The following ZNF558 variants were observed in gnomAD, a reference collection of about 807,000 sequenced individuals.
ZNF558 encodes zinc finger protein 558.
ZNF558 carries 23 observed loss-of-function variants against 37.6 expected under a neutral mutation model. That is an observed-to-expected ratio of 0.61 (90% CI 0.44 to 0.87). The LOEUF is 0.87. Among genes scored for constraint, ZNF558 ranks in the 40% least tolerant of loss-of-function variants. The pLI is 0.00. For synonymous variants in ZNF558, 189 were observed against 174.4 expected (o/e 1.08, Z -0.66); for missense variants, 429 against 483.7 (o/e 0.89, Z 1.06).
At position 8,811,051 on chromosome 19, in the gene ZNF558, A is replaced by G. The variant is rs1004967032; in HGVS notation, c.*230T>C. ...AGCTTTGGCTGACATCTTGATTGTAAGTAAAGGCATGAGAGATCCTGCAGT... is the reference window on the plus strand; with the variant it reads ...AGCTTTGGCTGACATCTTGATTGTAGGTAAAGGCATGAGAGATCCTGCAGT... On this transcript the variant is annotated 3_prime_UTR_variant, in exon 10 of 10. Transcript: ENST00000601372. The G allele has an allele frequency of 9.7e-5, 44 of 452,314 alleles. No homozygotes were observed. Among genetic ancestry groups the G allele is most frequent in the Non-Finnish European group, 1.5e-4 (38 of 256,466 alleles). The allele number at this position is 452,314 out of a possible 1,614,324, so 28.0% of individuals were successfully genotyped here.
At chr19:8,815,712 G>C (rs1196568408) in intron 7 of ZNF558, among the ~76,000 whole-genome samples, 1 of 152,012 alleles carries the variant, frequency 6.6e-6, no homozygotes, top group Non-Finnish European at 1.5e-5. Flanking sequence ...CTTGAGCCCA[G>C]GAGGTCAAGG....
At chr19:8,815,036 A>G (rs782155523) in intron 7 of ZNF558, among the ~76,000 whole-genome samples, 1 of 109,928 alleles carries the variant, frequency 9.1e-6, no homozygotes, top group Non-Finnish European at 1.8e-5. Context: ...CCAAATTGCT[A>G]TATTATAATA....
At position 8,824,261 on chromosome 19, in the gene ZNF558, T is replaced by C. The variant is rs1416710553; in HGVS notation, c.-245A>G. The C allele has an allele frequency of 2.6e-5, 4 of 152,208 alleles. No individual in the cohort carries two copies. Among genetic ancestry groups the C allele is most frequent in the African/African-American group, 9.7e-5 (4 of 41,406 alleles). The allele number at this position is 152,208 out of a possible 1,614,324, so 9.4% of individuals were successfully genotyped here. ...AAGTGGCCCTGTGGAGAGGCCTATG[T>C]GGAGAGGAACTGAGGCCTCCCACCG... is the stretch of plus-strand genomic sequence containing the variant. On this transcript the variant is annotated 5_prime_UTR_variant, in exon 4 of 10. Coordinates refer to ENST00000601372, the MANE Select transcript of ZNF558 (RefSeq NM_144693.3).
rs2043743098 is a variant in ZNF558, at chr19:8,809,910, T to C, written c.*1371A>G. The C allele has an allele frequency of 6.6e-6, 1 of 152,238 alleles. No individual in the cohort carries two copies. Among genetic ancestry groups the C allele is most frequent in the African/African-American group, 2.4e-5 (1 of 41,468 alleles). The allele number at this position is 152,238 out of a possible 1,614,324, so 9.4% of individuals were successfully genotyped here. A position where few individuals can be genotyped will look rare whatever the true frequency, so the allele number is the denominator to read the frequency against. ...TGGCCACTCAGTGAAGAGTTCAGGC[T>C]GAGGCATCCTAACACTGATTACATT... On this transcript the variant is annotated 3_prime_UTR_variant, in exon 10 of 10. Coordinates refer to ENST00000601372, the MANE Select transcript of ZNF558 (RefSeq NM_144693.3).
At chr19:8,812,122 C>A in intron 9 of ZNF558, 59 bp from the exon 10 acceptor site, 1 of 1,356,382 alleles carries the variant, frequency 7.4e-7, no homozygotes, top group South Asian at 1.7e-5. Context: ...ACTTAATGTT[C>A]TCCTAGGAAT....
chr19:8,836,945 AAAC>A (rs1453638509), upstream of ZNF558, among the ~76,000 whole-genome samples: 1 of 152,246 alleles, frequency 6.6e-6, no homozygotes, highest in African/African-American at 2.4e-5. Flanking sequence ...AAGCCAGTAA[AAAC>A]ATCATCAAAG....
intron 2 of ZNF558, among the ~76,000 whole-genome samples, chr19:8,828,620 G>A (rs1030069385): frequency 1.5e-4 from 23 of 152,168 alleles, no homozygotes; most frequent in African/African-American, 5.6e-4. Context: ...ATTGCTTTAT[G>A]ATTTTGCCTG....
chr19:8,810,082 C>T lies in ZNF558; in HGVS notation c.*1199G>A, dbSNP rs575614470. On this transcript the variant is annotated 3_prime_UTR_variant, in exon 10 of 10. Transcript: ENST00000601372. ...ACACAGAGGCATCACTGAAGGCTTTCTCTTCTTCTTTATATTTCAAGTTTC... is the reference window on the plus strand; with the variant it reads ...ACACAGAGGCATCACTGAAGGCTTTTTCTTCTTCTTTATATTTCAAGTTTC... The T allele has an allele frequency of 6.6e-6, 1 of 152,296 alleles. No homozygotes were observed. Among genetic ancestry groups the T allele is most frequent in the African/African-American group, 2.4e-5 (1 of 41,566 alleles). 9.4% of individuals were successfully genotyped at this position (152,296 alleles called of 1,614,324 possible).
chr19:8,818,024 C>A (rs2043983934), intron 7 of ZNF558, among the ~76,000 whole-genome samples: 1 of 152,138 alleles, frequency 6.6e-6, no homozygotes, highest in Non-Finnish European at 1.5e-5. Context: ...ACAAGAGAAT[C>A]CATATTCATC....
rs957605131 is a variant in ZNF558 at position 8,822,006 on chromosome 19, T to A, written c.117A>T (p.Leu39=). The A allele has an allele frequency of 1.2e-6, 2 of 1,614,032 alleles. No individual in the cohort carries two copies. The highest frequency in any genetic ancestry group is 1.7e-4 in the Middle Eastern group (1 of 6,058). ...ELVNELLTSW[L]RGLVTFEDVA... Reference sequence around the variant, plus strand: ...GGAAAAGGAACATCTGACTCACCCGTAGCCAGCTTGTCAGGAGCTCATTAA... The same window carrying A: ...GGAAAAGGAACATCTGACTCACCCGAAGCCAGCTTGTCAGGAGCTCATTAA... Residue 39 remains leucine, a synonymous_variant, in exon 6 of 10, where the codon CTA becomes CTT. Coordinates refer to ENST00000601372, the MANE Select transcript of ZNF558 (RefSeq NM_144693.3). This position sits in a 1 kb window ranked among gnomAD's most constrained non-coding sequence, Gnocchi z 4.4.
chr19:8,821,834 G>A, intron 6 of ZNF558, 169 bp downstream of exon 6: 5 of 1,456,988 alleles, frequency 3.4e-6, no homozygotes, highest in Non-Finnish European at 4.5e-6. Context: ...AGTAAATGTT[G>A]ACACACACTG....
rs536281633 is a variant in ZNF558 at position 8,815,117 on chromosome 19, G to T, written c.248-1895C>A. ...GAAACAAACGTTGGGCCCATTACAA[G>T]AAAAATGAAGCTGGTAGAAATTGTC... On this transcript the variant is annotated intron_variant, in intron 7 of 9. Coordinates refer to ENST00000601372, the MANE Select transcript of ZNF558 (RefSeq NM_144693.3). Among the ~76,000 whole-genome samples the T allele has an allele frequency of 2.8e-4, 42 of 152,182 alleles. No individual in the cohort carries two copies. The South Asian group carries it at 5.6e-3, about 20-fold the overall frequency.
chr19:8,830,957 T>A (rs1343691736), intron 2 of ZNF558: 3 of 152,114 alleles, frequency 2.0e-5, no homozygotes, highest in Non-Finnish European at 4.4e-5. Context: ...GTCCTGCTAG[T>A]TGTTAGTGGG....
At chr19:8,815,264 T>G (rs1388389973) in intron 7 of ZNF558, among the ~76,000 whole-genome samples, 1 of 152,048 alleles carries the variant, frequency 6.6e-6, no homozygotes, top group African/African-American at 2.4e-5. Context: ...AATACAAATT[T>G]TCATCAAATG....
rs947564945 is a variant in ZNF558 at position 8,822,489 on chromosome 19, G to A, written c.31+140C>T. 1.0e-5 allele frequency: 12 copies of A among 1,194,582 alleles called. No homozygotes were observed. The highest frequency in any genetic ancestry group is 4.2e-5 in the South Asian group (3 of 71,390). The allele number at this position is 1,194,582 out of a possible 1,614,324, so 74.0% of individuals were successfully genotyped here. A position where few individuals can be genotyped will look rare whatever the true frequency, so the allele number is the denominator to read the frequency against. On this transcript the variant is annotated intron_variant, in intron 5 of 9. Transcript: ENST00000601372. This position sits in a 1 kb window ranked among gnomAD's most constrained non-coding sequence, Gnocchi z 4.4. Reference sequence around the variant, plus strand: ...AAGTCCCAAATCCCGAGAGCTGCCCGATCAGACACGGAGGACCTCTGGGCC... The same window carrying A: ...AAGTCCCAAATCCCGAGAGCTGCCCAATCAGACACGGAGGACCTCTGGGCC...
At position 8,813,210 on chromosome 19, in the gene ZNF558, T is replaced by C. The variant is rs782794585; in HGVS notation, c.260A>G (p.Asn87Ser). 2 of 1,592,602 alleles carry C rather than the reference T, an allele frequency of 1.3e-6. No homozygotes were observed. Among genetic ancestry groups the C allele is most frequent in the South Asian group, 1.1e-5 (1 of 87,468 alleles). ...CAACTGGGATATCAGACTGGGTTTA[T>C]TAACACGACACCCTATTTATGGAAA... is the stretch of plus-strand genomic sequence containing the variant. ...RNLASLGCRV[N>S]KPSLISQLEQ... Residue 87 changes from asparagine (N) to serine (S), a missense_variant, in exon 8 of 10, where the codon AAT becomes AGT. Physicochemically the swap from Asn to Ser is conservative, Grantham distance 46. Coordinates refer to ENST00000601372, the MANE Select transcript of ZNF558 (RefSeq NM_144693.3).
rs559668791 is a variant in ZNF558, at chr19:8,822,213, C to T, written c.32-122G>A. On this transcript the variant is annotated intron_variant, in intron 5 of 9. Transcript: ENST00000601372. The surrounding 1 kb of genome is among the most constrained non-coding windows in gnomAD (Gnocchi z 4.4). ...TGAGGCACCACACAGTGCCCACCTA[C>T]GCTCCATGCAAACACCTACCCACAG... 23 of 1,193,698 alleles carry T rather than the reference C, an allele frequency of 1.9e-5. No individual in the cohort carries two copies. Among genetic ancestry groups the T allele is most frequent in the East Asian group, 1.2e-4 (5 of 40,052 alleles). 73.9% of individuals were successfully genotyped at this position (1,193,698 alleles called of 1,614,324 possible).
At chr19:8,816,965 T>G (rs975731151) in intron 7 of ZNF558, among the ~76,000 whole-genome samples, 1 of 152,182 alleles carries the variant, frequency 6.6e-6, no homozygotes. Flanking sequence ...ACTAGATTGT[T>G]ATAAATTAAA....
chr19:8,835,695 AAC>A (rs1191802321), upstream of ZNF558, among the ~76,000 whole-genome samples: 1 of 89,576 alleles, frequency 1.1e-5, no homozygotes, highest in Admixed American at 1.0e-4. Context: ...GAGAAATGAA[AAC>A]ATGTGTTCAC....
Sources: allele counts gnomAD v4.1 joint callset (sites outside exome capture counted in the v4.1 genomes callset), GRCh38; gene constraint gnomAD v4.1.1; non-coding constraint Gnocchi (gnomAD v3.1); transcripts MANE v1.5; gene names NCBI Gene and HGNC (gene_info 2026-07-23, HGNC 2026-07-21).